GLRX3: variants seen among roughly 807,000 people sequenced by gnomAD.
GLRX3 encodes glutaredoxin-3.
A neutral mutation model predicts 49.5 loss-of-function variants in GLRX3; 22 were observed. The observed-to-expected ratio is 0.44, with a 90% CI of 0.32 to 0.63. The LOEUF is 0.63. Ranked by LOEUF, GLRX3 falls within the 30% of genes least tolerant of loss-of-function variation. GLRX3 has a pLI of 0.05. For missense variants in GLRX3, 385 were observed against 396.3 expected (o/e 0.97, Z 0.24); for synonymous variants, 133 against 140.0 (o/e 0.95, Z 0.35).
rs189631978 is a variant in GLRX3 at position 130,137,219 on chromosome 10, C to T, written c.92+707C>T. 2.0e-5 allele frequency among the ~76,000 whole-genome samples: 3 copies of T among 152,316 alleles called. No homozygotes were observed. In the East Asian group the frequency reaches 5.8e-4, roughly 29 times the overall value. ...GTCTGTTCAGATTTGGCGCCGGTGT[C>T]CAGGTCTTCAATCCCTGGGAAGACT... On this transcript the variant is annotated intron_variant, in intron 1 of 10. Transcript: ENST00000331244.
chr10:130,157,685 C>T (rs898672116), intron 2 of GLRX3, among the ~76,000 whole-genome samples: 8 of 151,952 alleles, frequency 5.3e-5, no homozygotes, highest in African/African-American at 1.9e-4. Context: ...TGCACCTCCT[C>T]TTTAACTACT....
intron 1 of GLRX3, among the ~76,000 whole-genome samples, chr10:130,143,980 T>C (rs1027597446): frequency 1.3e-5 from 2 of 152,198 alleles, no homozygotes; most frequent in African/African-American, 4.8e-5. Flanking sequence ...ATTACAGGTG[T>C]GAGCCACTGC....
At chr10:130,162,794 C>A (rs529473799) in intron 4 of GLRX3, among the ~76,000 whole-genome samples, 39 of 152,272 alleles carry the variant, frequency 2.6e-4, no homozygotes, top group Admixed American at 1.4e-3. Context: ...TCATGCCAGG[C>A]GAGCCTCAGG....
At position 130,176,959 on chromosome 10, in the gene GLRX3, C is replaced by T. The variant is rs145073966; in HGVS notation, c.957+1870C>T. On this transcript the variant is annotated intron_variant, in intron 10 of 10. Coordinates refer to ENST00000331244, the MANE Select transcript of GLRX3 (RefSeq NM_006541.5). Reference sequence around the variant, plus strand: ...CTCATTTAATTCTAAAGCTAAGCTGCGTGGGTAACTTCTTTTTAGTTATAT... The same window carrying T: ...CTCATTTAATTCTAAAGCTAAGCTGTGTGGGTAACTTCTTTTTAGTTATAT... Among the ~76,000 whole-genome samples the T allele has an allele frequency of 7.2e-4, 110 of 152,110 alleles. No homozygotes were observed. The Middle Eastern group carries it at 0.041, about 56-fold the overall frequency.
chr10:130,141,514 CTT>C, intron 1 of GLRX3, among the ~76,000 whole-genome samples: 1 of 152,266 alleles, frequency 6.6e-6, no homozygotes, highest in Middle Eastern at 3.4e-3. Flanking sequence ...CTACTGATTT[CTT>C]ACTGTCACTG....
At chr10:130,168,637 G>A (rs1188182921) in intron 6 of GLRX3, among the ~76,000 whole-genome samples, 1 of 152,086 alleles carries the variant, frequency 6.6e-6, no homozygotes, top group African/African-American at 2.4e-5. Context: ...TAGTGGAGAC[G>A]GGGTTTCACC....
intron 6 of GLRX3, among the ~76,000 whole-genome samples, chr10:130,168,887 A>G (rs1862748278): frequency 6.6e-6 from 1 of 152,228 alleles, no homozygotes; most frequent in South Asian, 2.1e-4. Flanking sequence ...ACAGATAATT[A>G]AAATTCCTGA....
chr10:130,166,481 T>A, intron 4 of GLRX3, 26 bp from the exon 5 acceptor site: 2 of 1,579,338 alleles, frequency 1.3e-6, no homozygotes, highest in African/African-American at 2.7e-5. Flanking sequence ...AGAAGTTAAG[T>A]GCTTTATTTC....
intron 1 of GLRX3, among the ~76,000 whole-genome samples, chr10:130,137,027 C>G (rs1022387888): frequency 2.6e-5 from 4 of 152,372 alleles, no homozygotes; most frequent in East Asian, 1.9e-4. Flanking sequence ...CAGGAACGCC[C>G]CTGTCGCAGG....
intron 6 of GLRX3, among the ~76,000 whole-genome samples, chr10:130,167,321 G>A (rs1176311380): frequency 2.0e-5 from 3 of 152,198 alleles, no homozygotes; most frequent in Non-Finnish European, 2.9e-5. Flanking sequence ...GCACACTCGT[G>A]TTTTACTGGG....
intron 2 of GLRX3, among the ~76,000 whole-genome samples, chr10:130,158,269 A>G (rs1017211635): frequency 1.3e-5 from 2 of 151,766 alleles, no homozygotes; most frequent in African/African-American, 2.4e-5. Flanking sequence ...CTGGAGTGCA[A>G]TAGTGCGATC....
At chr10:130,138,428 G>T (rs1862108077) in intron 1 of GLRX3, among the ~76,000 whole-genome samples, 1 of 152,216 alleles carries the variant, frequency 6.6e-6, no homozygotes, top group Non-Finnish European at 1.5e-5. Context: ...CTCTGATTTT[G>T]CAATGGAGAG....
chr10:130,174,128 G>GTTCATT (rs1862868639), intron 8 of GLRX3, among the ~76,000 whole-genome samples: 1 of 152,190 alleles, frequency 6.6e-6, no homozygotes, highest in Non-Finnish European at 1.5e-5. Context: ...TTCATTGTAT[G>GTTCATT]GTATAAAGCC....
At chr10:130,154,193 C>T (rs148988431) in intron 2 of GLRX3, among the ~76,000 whole-genome samples, 114 of 152,256 alleles carry the variant, frequency 7.5e-4, no homozygotes, top group African/African-American at 2.4e-3. Flanking sequence ...GTGGGTAAAG[C>T]GTAGTATTTG....
intron 3 of GLRX3, 28 bp from the exon 4 acceptor site, chr10:130,160,768 G>A (rs1312233091): frequency 8.5e-7 from 1 of 1,182,482 alleles, no homozygotes; most frequent in African/African-American, 1.5e-5. Context: ...AATGCTGCAT[G>A]TATTCTAAAT....
At chr10:130,136,630 C>T (rs61874388) in intron 1 of GLRX3, 118 bp downstream of exon 1, 193,181 of 1,175,588 alleles carry the variant, frequency 0.16, 18,037 homozygotes, top group African/African-American at 0.38. Context: ...CTCCCTTCGG[C>T]CTCGGGGGAC....
At position 130,166,363 on chromosome 10, in the gene GLRX3, T is replaced by A. The variant is rs1277599401; in HGVS notation, c.479-144T>A. ...GAATTTATTTTCTCTTTGTATATTA[T>A]TCAGCCATGCTAATTAAATCACCAG... is the stretch of plus-strand genomic sequence containing the variant. On this transcript the variant is annotated intron_variant, in intron 4 of 10. Transcript: ENST00000331244. 4.0e-5 allele frequency: 23 copies of A among 579,326 alleles called. No homozygotes were observed. The East Asian group carries it at 6.1e-4, about 15-fold the overall frequency. 35.9% of individuals were successfully genotyped at this position (579,326 alleles called of 1,614,324 possible).
intron 2 of GLRX3, among the ~76,000 whole-genome samples, chr10:130,148,756 T>C (rs1862315515): frequency 6.6e-6 from 1 of 152,174 alleles, no homozygotes. Context: ...TCTGTATTGA[T>C]GATATGGTCG....
chr10:130,173,372 G>A (rs1018295429), intron 8 of GLRX3, among the ~76,000 whole-genome samples: 2 of 152,154 alleles, frequency 1.3e-5, no homozygotes, highest in South Asian at 4.1e-4. Flanking sequence ...AGCGTGATTG[G>A]CCCTAGGATG....
Sources: allele counts gnomAD v4.1 joint callset (sites outside exome capture counted in the v4.1 genomes callset), GRCh38; gene constraint gnomAD v4.1.1; transcripts MANE v1.5; gene names NCBI Gene and HGNC (gene_info 2026-07-23, HGNC 2026-07-21).